The following HBP1 variants were observed in gnomAD, a reference collection of about 807,000 sequenced individuals.
HBP1 encodes HMG box-containing protein 1.
Under a neutral mutation model 62.6 loss-of-function variants are expected in HBP1, and 20 were observed. The observed-to-expected ratio is 0.32, with a 90% CI of 0.22 to 0.46. The LOEUF (loss-of-function observed/expected upper bound fraction) is 0.46, where lower values mean the gene tolerates loss of function less well. Among genes scored for constraint, HBP1 ranks in the 20% least tolerant of loss-of-function variants. The pLI, the probability that HBP1 is intolerant of heterozygous loss-of-function variation, is 1.00. For missense variants in HBP1, 480 were observed against 611.8 expected (o/e 0.78, Z 2.27); for synonymous variants, 232 against 206.2 (o/e 1.12, Z -1.07).
chr7:107,200,392 G>A (rs571630653), intron 10 of HBP1, 91 bp downstream of exon 10: 245 of 1,012,854 alleles, frequency 2.4e-4, no homozygotes, highest in Admixed American at 1.0e-3. Flanking sequence ...CCTTTAAGAG[G>A]TTGTGTTGAT....
chr7:107,193,978 T>A (rs892255598), intron 8 of HBP1, among the ~76,000 whole-genome samples: 1 of 152,170 alleles, frequency 6.6e-6, no homozygotes, highest in African/African-American at 2.4e-5. Context: ...GACTAATGAT[T>A]AGACAGTGAA....
Position 107,190,249 on chromosome 7 carries a change from A to G in HBP1, c.999A>G (p.Val333=). ...IPCCEVHIGD[V]CLPPGHPDAI... is the part of the protein sequence containing the mutation. ...GTTGTGAAGTTCATATTGGCGATGT[A>G]TGTCTACCTCCTGGACACCCCGATG... The change falls in exon 8 of 11, where the codon GTA becomes GTG. Residue 333 remains valine, a synonymous_variant. Transcript: ENST00000222574. The G allele has an allele frequency of 6.2e-7, 1 of 1,611,524 alleles. No individual in the cohort carries two copies. Among genetic ancestry groups the G allele is most frequent in the Non-Finnish European group, 8.5e-7 (1 of 1,177,806 alleles).
intron 3 of HBP1, among the ~76,000 whole-genome samples, chr7:107,182,819 A>G (rs983683112): frequency 1.1e-4 from 16 of 152,220 alleles, no homozygotes; most frequent in Admixed American, 8.5e-4. Flanking sequence ...ACCATAGAGT[A>G]AAAAAATTTG....
At chr7:107,171,101 C>G (rs1404160753) in intron 1 of HBP1, among the ~76,000 whole-genome samples, 4 of 99,956 alleles carry the variant, frequency 4.0e-5, no homozygotes, top group African/African-American at 6.6e-5. Flanking sequence ...GAGGGAGTCT[C>G]GCTCTGTCGC....
In HBP1 at chr7:107,182,418, C is replaced by A. The variant is rs1797152322; in HGVS notation, c.215C>A (p.Ser72Tyr). Residue 72 changes from serine (S) to tyrosine (Y), a missense_variant, in exon 3 of 11, where the codon TCT becomes TAT. Ser to Tyr is a moderately radical substitution (Grantham distance 144). This residue lies in a region of HBP1 where 304 missense variants were observed against 330.9 expected (regional missense o/e 0.92). Coordinates refer to ENST00000222574, the MANE Select transcript of HBP1 (RefSeq NM_012257.4). ...GCAGTTCAAAGTGATCCTACCCAAT[C>A]TGGCATGTACCAGCTGAGTTCAGAT... ...LQAVQSDPTQ[S>Y]GMYQLSSDVS... is the part of the protein sequence containing the mutation. 6.2e-7 allele frequency: 1 copy of A among 1,613,484 alleles called. No individual in the cohort carries two copies.
chr7:107,174,938 G>T (rs1228461277), intron 1 of HBP1, among the ~76,000 whole-genome samples: 2 of 152,068 alleles, frequency 1.3e-5, no homozygotes, highest in African/African-American at 4.8e-5. Flanking sequence ...TTAATATTAG[G>T]TGTTTAAAGA....
chr7:107,189,564 C>A (rs1584494660), intron 7 of HBP1, 116 bp downstream of exon 7: 2 of 716,994 alleles, frequency 2.8e-6, no homozygotes, highest in African/African-American at 1.8e-5. Flanking sequence ...GTCTTTCAAA[C>A]TAAATAAAAA....
rs760620645 is a variant in HBP1 at position 107,182,554 on chromosome 7, C to T, written c.351C>T (p.Ile117=). Reference sequence around the variant, plus strand: ...ACTGGCTAACAGAATTGGCAAATATCGCGACCAGTCCACAAAGTCCACTGA... The same window carrying T: ...ACTGGCTAACAGAATTGGCAAATATTGCGACCAGTCCACAAAGTCCACTGA... ...EVDWLTELAN[I]ATSPQSPLMQ... Residue 117 remains isoleucine, a synonymous_variant, in exon 3 of 11, where the codon ATC becomes ATT. Coordinates refer to ENST00000222574, the MANE Select transcript of HBP1 (RefSeq NM_012257.4). The T allele has an allele frequency of 2.6e-5, 42 of 1,612,362 alleles. No homozygotes were observed. In the Admixed American group the frequency reaches 6.5e-4, roughly 25 times the overall value.
At chr7:107,201,195 GTATCCCT>G (rs1284991989) in intron 10 of HBP1, 4 of 403,928 alleles carry the variant, frequency 9.9e-6, no homozygotes, top group Non-Finnish European at 1.8e-5. Context: ...GACTTTTCCT[GTATCCCT>G]TTTCTGTTCA....
intron 8 of HBP1, among the ~76,000 whole-genome samples, chr7:107,194,300 G>A (rs988330932): frequency 7.9e-5 from 12 of 152,090 alleles, no homozygotes; most frequent in Non-Finnish European, 1.6e-4. Flanking sequence ...GTATCTTTTA[G>A]TATTTTAAAT....
intron 1 of HBP1, among the ~76,000 whole-genome samples, chr7:107,178,181 C>G (rs184238306): frequency 6.6e-6 from 1 of 152,112 alleles, no homozygotes; most frequent in East Asian, 1.9e-4. Flanking sequence ...CTCATTAGAA[C>G]TTTTTCTTTA....
chr7:107,178,405 C>T (rs769289447), intron 1 of HBP1, among the ~76,000 whole-genome samples: 6 of 150,102 alleles, frequency 4.0e-5, no homozygotes, highest in Admixed American at 6.7e-5. Context: ...CTAATTCGAT[C>T]GTTGTCCAAA....
At chr7:107,188,181 C>T (rs1230186631) in intron 6 of HBP1, among the ~76,000 whole-genome samples, 1 of 152,184 alleles carries the variant, frequency 6.6e-6, no homozygotes, top group African/African-American at 2.4e-5. Flanking sequence ...ATGTCTATAG[C>T]CTTCACCTGC....
chr7:107,174,427 C>G, intron 1 of HBP1: 1 of 972,848 alleles, frequency 1.0e-6, no homozygotes, highest in Non-Finnish European at 1.2e-6. Context: ...AAAATAATGT[C>G]TTTTTCCAAC....
At chr7:107,186,782 A>G in intron 6 of HBP1, 101 bp downstream of exon 6, 1 of 704,820 alleles carries the variant, frequency 1.4e-6, no homozygotes, top group Non-Finnish European at 2.5e-6. Flanking sequence ...TGATATTTAA[A>G]TGACATCGTA....
intron 1 of HBP1, among the ~76,000 whole-genome samples, chr7:107,179,154 T>C (rs1390941496): frequency 6.6e-6 from 1 of 152,090 alleles, no homozygotes; most frequent in Non-Finnish European, 1.5e-5. Context: ...AAGGACAAAA[T>C]AGAATATTCT....
chr7:107,179,691 G>C (rs533895057), intron 1 of HBP1, 188 bp from the exon 2 acceptor site: 116 of 351,960 alleles, frequency 3.3e-4, no homozygotes, highest in Admixed American at 7.7e-4. Context: ...AGAATCGCTT[G>C]AACCCAGGAG....
chr7:107,201,258 G>GC, intron 10 of HBP1, 156 bp from the exon 11 acceptor site: 1 of 473,346 alleles, frequency 2.1e-6, no homozygotes, highest in Non-Finnish European at 3.9e-6. Context: ...GGATGCTTGA[G>GC]CCATCAGATA....
At position 107,202,461 on chromosome 7, in the gene HBP1, C is replaced by G. The variant is rs898096015; in HGVS notation, c.*1030C>G. 1 of 152,466 alleles carries G rather than the reference C, an allele frequency of 6.6e-6. No individual in the cohort carries two copies. The highest frequency in any genetic ancestry group is 2.1e-4 in the South Asian group (1 of 4,830). The allele number at this position is 152,466 out of a possible 1,614,324, so 9.4% of individuals were successfully genotyped here. A position where few individuals can be genotyped will look rare whatever the true frequency, so the allele number is the denominator to read the frequency against. On this transcript the variant is annotated 3_prime_UTR_variant, in exon 11 of 11. Coordinates refer to ENST00000222574, the MANE Select transcript of HBP1 (RefSeq NM_012257.4). ...ATCACACTTCTTCATGATGTTGCCC[C>G]TAAATTTTGCACACTATATTCTTGT...
Sources: gnomAD v4.1 joint callset for allele counts (sites outside exome capture counted in the v4.1 genomes callset) on GRCh38, gnomAD v4.1.1 for gene constraint, gnomAD v4.1.1 regional missense constraint, MANE v1.5 for transcripts, NCBI Gene and HGNC (gene_info 2026-07-23, HGNC 2026-07-21) for gene names.